Variants in ME3 observed in about 807,000 individuals in gnomAD.
The protein encoded by ME3 is NADP-dependent malic enzyme, mitochondrial.
In ME3, 48 loss-of-function variants were observed where a neutral mutation model predicts 68.9. The observed-to-expected ratio is 0.70, with a 90% CI of 0.55 to 0.89. ME3 has a LOEUF of 0.89. Among genes scored for constraint, ME3 ranks in the 40% least tolerant of loss-of-function variants. The pLI is 0.00. For synonymous variants in ME3, 320 were observed against 318.8 expected, an observed-to-expected ratio of 1.00 and a Z score of -0.04; for missense variants, 675 against 797.4, an observed-to-expected ratio of 0.85 and a Z score of 1.85.
chr11:86,485,170 GATAC>G (rs1951615681), intron 7 of ME3, among the ~76,000 whole-genome samples: 1 of 152,158 alleles, frequency 6.6e-6, no homozygotes, highest in Non-Finnish European at 1.5e-5. Context: ...TTTCCATGTA[GATAC>G]ATACAAACAA....
Position 86,556,707 on chromosome 11 carries a change from T to C in ME3, c.318-5A>G, listed in dbSNP as rs1334872580. 2 of 1,613,700 alleles carry C rather than the reference T, an allele frequency of 1.2e-6. No individual in the cohort carries two copies. The highest frequency in any genetic ancestry group is 1.7e-6 in the Non-Finnish European group (2 of 1,179,738). ...AGTGTCATGAGAATGATGTACCTTGTAAAAGGAGAGAAAAAGCAAGCTGAC... is the reference window on the plus strand; with the variant it reads ...AGTGTCATGAGAATGATGTACCTTGCAAAAGGAGAGAAAAAGCAAGCTGAC... On this transcript the variant is annotated splice_region_variant and splice_polypyrimidine_tract_variant and intron_variant, in intron 3 of 14. Coordinates refer to ENST00000543262, the Ensembl canonical transcript of ME3.
At chr11:86,440,739 C>T (rs932813432), downstream of ME3, among the ~76,000 whole-genome samples, 33 of 152,256 alleles carry the variant, frequency 2.2e-4, no homozygotes, top group African/African-American at 7.2e-4. Flanking sequence ...GTGGGCTGTG[C>T]TTTCTGGCTA....
At chr11:86,487,262 C>T in intron 7 of ME3, 75 bp downstream of exon 7, 2 of 1,271,236 alleles carry the variant, frequency 1.6e-6, no homozygotes, top group Non-Finnish European at 2.3e-6. Flanking sequence ...TGTATATCAG[C>T]CAAAACCAGT....
chr11:86,529,893 A>G (rs1955071942), intron 4 of ME3, among the ~76,000 whole-genome samples: 1 of 152,216 alleles, frequency 6.6e-6, no homozygotes, highest in African/African-American at 2.4e-5. Flanking sequence ...CCCACAGCCA[A>G]TATTACACTG....
exon 2 of ME3, chr11:86,671,948 C>A (rs1432646923): frequency 7.1e-7 from 1 of 1,410,320 alleles, no homozygotes; most frequent in South Asian, 1.6e-5. Flanking sequence ...CACCCATGGT[C>A]CTTGGCAGAC....
intron 2 of ME3, among the ~76,000 whole-genome samples, chr11:86,571,823 G>A (rs577215412): frequency 5.3e-5 from 8 of 152,210 alleles, no homozygotes; most frequent in African/African-American, 1.9e-4. Context: ...TTAACGTAAT[G>A]CAAGGGAAGG....
Position 86,508,241 on chromosome 11 carries a change from C to T in ME3, c.543+551G>A, listed in dbSNP as rs1953229746. 2.6e-5 allele frequency among the ~76,000 whole-genome samples: 4 copies of T among 152,144 alleles called. No homozygotes were observed. In the South Asian group the frequency reaches 6.2e-4, roughly 24 times the overall value. On this transcript the variant is annotated intron_variant, in intron 5 of 14. Coordinates refer to ENST00000543262, the Ensembl canonical transcript of ME3. ...ATGTCCTCACTCCACAGCCTAGTCT[C>T]TCCACTACCTAACTGTCCACAGCCT...
At chr11:86,452,253 A>G (rs953902484) in intron 8 of ME3, among the ~76,000 whole-genome samples, 2 of 152,160 alleles carry the variant, frequency 1.3e-5, no homozygotes, top group African/African-American at 2.4e-5. Context: ...TTGAATTTGG[A>G]GTTGAAACAG....
At chr11:86,441,119 G>A (rs1399349032) in exon 15 of ME3, 1 of 623,538 alleles carries the variant, frequency 1.6e-6, no homozygotes, top group Non-Finnish European at 2.4e-6. Flanking sequence ...TCAGAGACAA[G>A]GCTTTTATTC....
Position 86,524,905 on chromosome 11 carries a change from A to G in ME3, c.468-16038T>C, listed in dbSNP as rs549072513. ...TTTGATCTAATGTGTTGTTTTGACTAAGTTCCGCCTCCAAACTACAAATCC... is the reference window on the plus strand; with the variant it reads ...TTTGATCTAATGTGTTGTTTTGACTGAGTTCCGCCTCCAAACTACAAATCC... On this transcript the variant is annotated intron_variant, in intron 4 of 14. Coordinates refer to ENST00000543262, the Ensembl canonical transcript of ME3. Among the ~76,000 whole-genome samples the G allele has an allele frequency of 9.8e-5, 15 of 152,350 alleles. 1 individual carries two copies. The highest frequency in any genetic ancestry group is 3.4e-3 in the Middle Eastern group (1 of 294).
intron 2 of ME3, among the ~76,000 whole-genome samples, chr11:86,658,211 C>T (rs1452175335): frequency 6.6e-6 from 1 of 151,846 alleles, no homozygotes; most frequent in African/African-American, 2.4e-5. Context: ...GCAACCTCCA[C>T]CTCCCGAGTT....
intron 2 of ME3, among the ~76,000 whole-genome samples, chr11:86,651,294 T>C (rs971458653): frequency 1.8e-4 from 28 of 152,210 alleles, no homozygotes; most frequent in Non-Finnish European, 3.7e-4. Flanking sequence ...ACAGACTGCC[T>C]CCTCAAGTGG....
chr11:86,547,429 A>G (rs1363575254), intron 4 of ME3, among the ~76,000 whole-genome samples: 1 of 146,108 alleles, frequency 6.8e-6, no homozygotes, highest in Non-Finnish European at 1.5e-5. Flanking sequence ...GAGTTTAACA[A>G]TGAGAACACA....
At chr11:86,520,464 C>CA in intron 4 of ME3, among the ~76,000 whole-genome samples, 1 of 152,244 alleles carries the variant, frequency 6.6e-6, no homozygotes, top group African/African-American at 2.4e-5. Flanking sequence ...CAAAAAACCC[C>CA]AAAAAACCTT....
intron 2 of ME3, among the ~76,000 whole-genome samples, chr11:86,646,630 A>C (rs1460766730): frequency 6.6e-6 from 1 of 152,250 alleles, no homozygotes; most frequent in African/African-American, 2.4e-5. Flanking sequence ...AACACACTTC[A>C]GGATATTATC....
chr11:86,483,912 G>A (rs1041834841), intron 7 of ME3, among the ~76,000 whole-genome samples: 2 of 152,212 alleles, frequency 1.3e-5, no homozygotes, highest in East Asian at 1.9e-4. Context: ...GGGAAAACTC[G>A]TGACAGCAGG....
At chr11:86,645,821 G>T (rs1007426781) in intron 2 of ME3, among the ~76,000 whole-genome samples, 2 of 152,282 alleles carry the variant, frequency 1.3e-5, no homozygotes, top group African/African-American at 4.8e-5. Context: ...CATCTGGGAG[G>T]TGCCCCTCTG....
chr11:86,584,908 C>A (rs1292064495), intron 2 of ME3, among the ~76,000 whole-genome samples: 4 of 152,150 alleles, frequency 2.6e-5, no homozygotes, highest in African/African-American at 9.7e-5. Flanking sequence ...ATATTATACA[C>A]TTAAAAATGT....
rs560926008 is a variant in ME3 at position 86,595,357 on chromosome 11, C to T, written c.184-35534G>A. Among the ~76,000 whole-genome samples the T allele has an allele frequency of 3.0e-5, 4 of 135,210 alleles. No homozygotes were observed. In the East Asian group the frequency reaches 1.1e-3, roughly 37 times the overall value. 88.7% of individuals were successfully genotyped at this position (135,210 alleles called of 152,430 possible). On this transcript the variant is annotated intron_variant, in intron 2 of 14. Transcript: ENST00000543262. ...GCTTATTATGTATCAGTCACTGGTC[C>T]AGGCACTTTGACTCATGTAACCATA...
Sources: allele counts gnomAD v4.1 joint callset (sites outside exome capture counted in the v4.1 genomes callset), GRCh38; gene constraint gnomAD v4.1.1; transcripts MANE v1.5; gene names NCBI Gene and HGNC (gene_info 2026-07-23, HGNC 2026-07-21).